The following GOLIM4 variants were observed in gnomAD, a reference collection of about 807,000 sequenced individuals.
GOLIM4 encodes 130 kDa golgi-localized phosphoprotein.
GOLIM4 carries 71 observed loss-of-function variants against 107.4 expected under a neutral mutation model. The observed-to-expected ratio is 0.66, with a 90% CI of 0.55 to 0.81. The LOEUF (loss-of-function observed/expected upper bound fraction) is 0.81, where lower values mean the gene tolerates loss of function less well. Among genes scored for constraint, GOLIM4 ranks in the 30% least tolerant of loss-of-function variants. GOLIM4 has a pLI of 0.00. For missense variants in GOLIM4, 830 were observed against 826.1 expected (o/e 1.00, Z -0.06); for synonymous variants, 327 against 294.8 (o/e 1.11, Z -1.12).
intron 7 of GOLIM4, 25 bp from the exon 8 acceptor site, chr3:168,037,019 G>A: frequency 4.8e-6 from 6 of 1,243,284 alleles, no homozygotes; most frequent in Non-Finnish European, 6.7e-6. Flanking sequence ...CACAATTTGA[G>A]GAGGGAATCT....
intron 1 of GOLIM4, among the ~76,000 whole-genome samples, chr3:168,063,212 G>A (rs1014845981): frequency 1.3e-5 from 2 of 151,974 alleles, no homozygotes; most frequent in Non-Finnish European, 2.9e-5. Flanking sequence ...TTAAAAAGAT[G>A]TTACTCCTAA....
At chr3:168,075,298 T>TTG (rs1421252671) in intron 1 of GOLIM4, among the ~76,000 whole-genome samples, 1 of 86,626 alleles carries the variant, frequency 1.2e-5, no homozygotes, top group African/African-American at 4.6e-5. Flanking sequence ...TTTTTTTTTT[T>TTG]TTTTTTTTTT....
At chr3:168,081,363 T>G (rs1019982923) in intron 1 of GOLIM4, among the ~76,000 whole-genome samples, 1 of 152,120 alleles carries the variant, frequency 6.6e-6, no homozygotes, top group African/African-American at 2.4e-5. Context: ...ATTAGTAGCA[T>G]GAGCAGCCAT....
intron 1 of GOLIM4, among the ~76,000 whole-genome samples, chr3:168,069,335 T>C (rs1444473423): frequency 1.3e-5 from 2 of 152,206 alleles, no homozygotes; most frequent in Non-Finnish European, 2.9e-5. Flanking sequence ...ACACATTTAG[T>C]TGAATCTTCC....
At chr3:168,031,644 G>A (rs961751787) in intron 9 of GOLIM4, among the ~76,000 whole-genome samples, 1 of 152,208 alleles carries the variant, frequency 6.6e-6, no homozygotes, top group East Asian at 1.9e-4. Context: ...AAGACTGGAA[G>A]AAGCTTTCTG....
At chr3:168,042,703 A>G (rs1244399121) in intron 5 of GOLIM4, among the ~76,000 whole-genome samples, 1 of 152,236 alleles carries the variant, frequency 6.6e-6, no homozygotes, top group Non-Finnish European at 1.5e-5. Context: ...ATTTTGTTTC[A>G]TATTACTATG....
chr3:168,075,210 A>C (rs1398092911), intron 1 of GOLIM4, among the ~76,000 whole-genome samples: 1 of 151,976 alleles, frequency 6.6e-6, no homozygotes, highest in African/African-American at 2.4e-5. Flanking sequence ...ATATTTCTAA[A>C]GGGACAAAGT....
chr3:168,037,062 A>AAATCTATGAATGCC, intron 7 of GOLIM4, 68 bp from the exon 8 acceptor site: 1 of 715,054 alleles, frequency 1.4e-6, no homozygotes, highest in South Asian at 2.1e-5. Flanking sequence ...GCATTTGGGT[A>AAATCTATGAATGCC]CACTGTAAAA....
At chr3:168,034,956 T>TA (rs1359204019) in intron 8 of GOLIM4, among the ~76,000 whole-genome samples, 2 of 149,424 alleles carry the variant, frequency 1.3e-5, no homozygotes, top group African/African-American at 4.9e-5. Context: ...CTTTCTTTTT[T>TA]AAATCAACCA....
intron 1 of GOLIM4, among the ~76,000 whole-genome samples, chr3:168,066,358 T>C (rs1210940426): frequency 2.0e-5 from 3 of 152,140 alleles, no homozygotes; most frequent in African/African-American, 7.2e-5. Flanking sequence ...TATTATTATA[T>C]TACATATTCA....
At position 168,012,135 on chromosome 3, in the gene GOLIM4, C is replaced by T. The variant is rs1427847258; in HGVS notation, c.1861-1312G>A. The stretch of plus-strand genomic sequence containing the variant: ...AAACCAAAGGCAAAGAAGTTGAAAA[C>T]TTTGAAAAAAATTTAGAAGAATGTA... On this transcript the variant is annotated intron_variant, in intron 14 of 15. Transcript: ENST00000470487. 3.5e-5 allele frequency among the ~76,000 whole-genome samples: 4 copies of T among 115,148 alleles called. No homozygotes were observed. In the South Asian group the frequency reaches 6.7e-4, roughly 19 times the overall value. The allele number at this position is 115,148 out of a possible 152,430, so 75.5% of individuals were successfully genotyped here. A position where few individuals can be genotyped will look rare whatever the true frequency, so the allele number is the denominator to read the frequency against.
chr3:168,034,425 C>T (rs1462001015), intron 8 of GOLIM4, among the ~76,000 whole-genome samples: 1 of 152,178 alleles, frequency 6.6e-6, no homozygotes, highest in East Asian at 1.9e-4. Context: ...TGGTCATGCT[C>T]TCTTTAGTTA....
At chr3:168,078,904 T>C (rs1168748377) in intron 1 of GOLIM4, among the ~76,000 whole-genome samples, 1 of 152,026 alleles carries the variant, frequency 6.6e-6, no homozygotes, top group African/African-American at 2.4e-5. Context: ...TTAACAATGC[T>C]ACAAATGCTT....
At chr3:168,070,263 C>T (rs1167222607) in intron 1 of GOLIM4, among the ~76,000 whole-genome samples, 1 of 152,096 alleles carries the variant, frequency 6.6e-6, no homozygotes, top group Non-Finnish European at 1.5e-5. Flanking sequence ...CGTGGTGGCA[C>T]GCACCTGTAG....
At chr3:168,073,458 T>A (rs1720931391) in intron 1 of GOLIM4, among the ~76,000 whole-genome samples, 2 of 152,232 alleles carry the variant, frequency 1.3e-5, no homozygotes, top group African/African-American at 4.8e-5. Context: ...AACTATTTTA[T>A]CCATTTATCA....
Position 168,095,238 on chromosome 3 carries a change from C to A in GOLIM4, c.48G>T (p.Thr16=), listed in dbSNP as rs1352435903. 8 of 1,613,626 alleles carry A rather than the reference C, an allele frequency of 5.0e-6. No homozygotes were observed. Among genetic ancestry groups the A allele is most frequent in the Non-Finnish European group, 6.8e-6 (8 of 1,180,006 alleles). Residue 16 remains threonine (T), a synonymous_variant, in exon 1 of 16, where the codon ACG becomes ACT. Transcript: ENST00000470487. ...CSRKQKRIFQ[T]LLLLTVVFGF... is the part of the protein sequence containing the mutation. ...CGAACACGACGGTCAGCAGCAGCAG[C>A]GTCTGGAAAATCCGCTTCTGCTTTC...
rs575394892 is a variant in GOLIM4 at position 168,049,594 on chromosome 3, G to GT, written c.188-1230dup. On this transcript the variant is annotated intron_variant, in intron 1 of 15. Coordinates refer to ENST00000470487, the MANE Select transcript of GOLIM4 (RefSeq NM_014498.5). ...TTCTTTGGCCAGTCACAAGCTCCCCGTGACTACATACAATTTAAGCATCAA... is the reference window on the plus strand; with the variant it reads ...TTCTTTGGCCAGTCACAAGCTCCCCGTTGACTACATACAATTTAAGCATCAA... Among the ~76,000 whole-genome samples, 14 of 152,208 alleles carry GT rather than the reference G, an allele frequency of 9.2e-5. No individual in the cohort carries two copies. The South Asian group carries it at 2.5e-3, about 27-fold the overall frequency.
intron 1 of GOLIM4, among the ~76,000 whole-genome samples, chr3:168,091,026 A>AT (rs1553807618): frequency 2.9e-4 from 44 of 151,662 alleles, no homozygotes; most frequent in Middle Eastern, 3.4e-3. Context: ...GGAGGCTAGC[A>AT]GGGGGTGAGA....
intron 14 of GOLIM4, among the ~76,000 whole-genome samples, chr3:168,015,569 G>T (rs2108209682): frequency 7.3e-6 from 1 of 136,974 alleles, no homozygotes; most frequent in South Asian, 2.1e-4. Context: ...CCAAAAAAGA[G>T]CCCGCATCGC....
Sources: allele counts gnomAD v4.1 joint callset (sites outside exome capture counted in the v4.1 genomes callset), GRCh38; gene constraint gnomAD v4.1.1; transcripts MANE v1.5; gene names NCBI Gene and HGNC (gene_info 2026-07-23, HGNC 2026-07-21).